Variants in PPP1R9A observed in about 807,000 individuals in gnomAD.
PPP1R9A encodes neurabin-1.
Under a neutral mutation model 141.9 loss-of-function variants are expected in PPP1R9A, and 59 were observed. The ratio of observed to expected loss-of-function variants is 0.42; its 90% CI spans 0.34 to 0.52. The LOEUF is 0.52. Among genes scored for constraint, PPP1R9A ranks in the 20% least tolerant of loss-of-function variants. PPP1R9A has a pLI of 0.10. For missense variants in PPP1R9A, 1,444 were observed against 1,611.9 expected (o/e 0.90, Z 1.78); for synonymous variants, 500 against 569.7 (o/e 0.88, Z 1.74).
intron 2 of PPP1R9A, among the ~76,000 whole-genome samples, chr7:95,033,830 A>G (rs1263673154): frequency 6.6e-6 from 1 of 151,928 alleles, no homozygotes; most frequent in East Asian, 1.9e-4. Flanking sequence ...TCATATATGT[A>G]TGGGTCTGTT....
At chr7:94,911,646 G>T in intron 2 of PPP1R9A, 138 bp downstream of exon 2, 1 of 652,676 alleles carries the variant, frequency 1.5e-6, no homozygotes, top group East Asian at 2.7e-5. Flanking sequence ...ATCACCTGTT[G>T]TCAGGTGATT....
intron 2 of PPP1R9A, among the ~76,000 whole-genome samples, chr7:95,093,834 T>A (rs952232911): frequency 6.6e-6 from 1 of 152,192 alleles, no homozygotes; most frequent in Non-Finnish European, 1.5e-5. Flanking sequence ...AATTTTATTA[T>A]TATCCTTTTG....
chr7:95,120,604 C>A, intron 3 of PPP1R9A, 108 bp from the exon 4 acceptor site: 1 of 1,256,448 alleles, frequency 8.0e-7, no homozygotes, highest in African/African-American at 1.5e-5. Flanking sequence ...ATTGTCCTAT[C>A]CATAAGGAAA....
At chr7:94,988,369 C>T (rs952899733) in intron 2 of PPP1R9A, among the ~76,000 whole-genome samples, 1 of 152,076 alleles carries the variant, frequency 6.6e-6, no homozygotes, top group African/African-American at 2.4e-5. Context: ...TAAGAAGAGA[C>T]CTTTCCAATT....
intron 2 of PPP1R9A, among the ~76,000 whole-genome samples, chr7:95,051,719 G>A (rs1451246232): frequency 4.0e-5 from 6 of 151,860 alleles, no homozygotes; most frequent in Admixed American, 6.6e-5. Context: ...AAACTGGAGA[G>A]GTATTTAGAA....
In PPP1R9A at chr7:95,290,396, A is replaced by C; in HGVS notation, c.*93A>C. On this transcript the variant is annotated 3_prime_UTR_variant, in exon 20 of 20. Transcript: ENST00000433360. ...CTCCAGAGGATGAAAAAGAAACTAA[A>C]TGATAAGGGTAATGCGGCTCTAGGC... 7.4e-6 allele frequency: 10 copies of C among 1,352,100 alleles called. No individual in the cohort carries two copies. Among genetic ancestry groups the C allele is most frequent in the Non-Finnish European group, 1.0e-5 (10 of 1,001,458 alleles). The allele number at this position is 1,352,100 out of a possible 1,614,324, so 83.8% of individuals were successfully genotyped here.
chr7:95,108,318 T>C (rs1168568740), intron 2 of PPP1R9A, among the ~76,000 whole-genome samples: 4 of 125,208 alleles, frequency 3.2e-5, no homozygotes, highest in East Asian at 4.3e-4. Flanking sequence ...TTTTTTTTTT[T>C]TTTTTTTTTT....
intron 2 of PPP1R9A, among the ~76,000 whole-genome samples, chr7:95,008,686 G>T (rs1186908630): frequency 6.6e-6 from 1 of 152,136 alleles, no homozygotes; most frequent in Non-Finnish European, 1.5e-5. Context: ...AAAAGCAGTG[G>T]TCTGGAAGTG....
intron 2 of PPP1R9A, among the ~76,000 whole-genome samples, chr7:95,040,586 C>T (rs949461069): frequency 2.0e-5 from 3 of 152,066 alleles, no homozygotes; most frequent in Admixed American, 6.6e-5. Context: ...ATTTTCCTCT[C>T]GTTTCTTGAA....
At chr7:95,005,128 T>C (rs1010089038) in intron 2 of PPP1R9A, among the ~76,000 whole-genome samples, 1 of 152,206 alleles carries the variant, frequency 6.6e-6, no homozygotes, top group African/African-American at 2.4e-5. Context: ...TTTGTTTTGC[T>C]CAATGTTGTA....
rs1801797165 is a variant in PPP1R9A, at chr7:95,269,352, C to T, written c.2969C>T (p.Ala990Val). ...SNVPFSSDHI[A>V]EFQEEPLDPE... ...GTGCCCTTCTCGTCTGACCACATAGCTGAATTTCAAGAAGAACCACTGGAC... is the reference window on the plus strand; with the variant it reads ...GTGCCCTTCTCGTCTGACCACATAGTTGAATTTCAAGAAGAACCACTGGAC... Residue 990 changes from alanine to valine, a missense_variant, in exon 14 of 20, where the codon GCT (alanine) becomes GTT (valine). Transcript: ENST00000433360. 6.3e-7 allele frequency: 1 copy of T among 1,598,414 alleles called. No individual in the cohort carries two copies.
At chr7:95,199,243 C>G (rs1188525443) in intron 6 of PPP1R9A, among the ~76,000 whole-genome samples, 1 of 152,128 alleles carries the variant, frequency 6.6e-6, no homozygotes, top group Non-Finnish European at 1.5e-5. Context: ...TTATTATAAA[C>G]ACGTTTAAAC....
intron 4 of PPP1R9A, among the ~76,000 whole-genome samples, chr7:95,152,342 A>T (rs1052925946): frequency 1.3e-5 from 2 of 152,090 alleles, no homozygotes; most frequent in Admixed American, 6.6e-5. Context: ...TTGATATGTA[A>T]TCTATTCTAT....
At chr7:94,937,301 G>A (rs1794876299) in intron 2 of PPP1R9A, among the ~76,000 whole-genome samples, 1 of 152,092 alleles carries the variant, frequency 6.6e-6, no homozygotes, top group Non-Finnish European at 1.5e-5. Context: ...TTGAAAGTAT[G>A]AGGCTGTTCC....
intron 5 of PPP1R9A, among the ~76,000 whole-genome samples, chr7:95,167,007 A>G (rs1831366633): frequency 6.6e-6 from 1 of 152,164 alleles, no homozygotes. Context: ...ATAGAAGGAA[A>G]AAACCTGTAT....
chr7:94,987,549 G>A (rs1026122471), intron 2 of PPP1R9A, among the ~76,000 whole-genome samples: 22 of 152,072 alleles, frequency 1.4e-4, no homozygotes, highest in Admixed American at 9.8e-4. Context: ...TCTCTGTAGC[G>A]TTATTTAAAC....
At chr7:95,071,175 A>G (rs1235965915) in intron 2 of PPP1R9A, among the ~76,000 whole-genome samples, 1 of 152,004 alleles carries the variant, frequency 6.6e-6, no homozygotes, top group East Asian at 1.9e-4. Flanking sequence ...TTAGCAGGCA[A>G]TATCTCATTA....
At chr7:95,022,338 G>C (rs530934558) in intron 2 of PPP1R9A, among the ~76,000 whole-genome samples, 39 of 152,146 alleles carry the variant, frequency 2.6e-4, no homozygotes, top group Non-Finnish European at 4.4e-4. Context: ...CTGAGACTTT[G>C]CTCAAGTTGC....
chr7:95,205,685 C>T (rs1218286513), intron 7 of PPP1R9A, among the ~76,000 whole-genome samples: 1 of 152,176 alleles, frequency 6.6e-6, no homozygotes, highest in African/African-American at 2.4e-5. Flanking sequence ...TGTATGTCAG[C>T]TTAATCCTGT....
Sources: gnomAD v4.1 joint callset for allele counts (sites outside exome capture counted in the v4.1 genomes callset) on GRCh38, gnomAD v4.1.1 for gene constraint, MANE v1.5 for transcripts, NCBI Gene and HGNC (gene_info 2026-07-23, HGNC 2026-07-21) for gene names.